The following ZNF564 variants were observed in gnomAD, a reference collection of about 807,000 sequenced individuals.
The protein encoded by ZNF564 is zinc finger protein 564.
A neutral mutation model predicts 10.5 loss-of-function variants in ZNF564; 5 were observed. The ratio of observed to expected loss-of-function variants is 0.48; its 90% CI spans 0.25 to 1.00. ZNF564 has a LOEUF of 1.00. Ranked by LOEUF, ZNF564 falls within the 50% of genes least tolerant of loss-of-function variation. ZNF564 has a pLI of 0.16. For synonymous variants in ZNF564, 242 were observed against 218.1 expected, an observed-to-expected ratio of 1.11 and a Z score of -0.97; for missense variants, 603 against 669.7, an observed-to-expected ratio of 0.90 and a Z score of 1.10.
intron 1 of ZNF564, among the ~76,000 whole-genome samples, chr19:12,538,280 A>C (rs534133769): frequency 6.6e-6 from 1 of 152,078 alleles, no homozygotes; most frequent in African/African-American, 2.4e-5. Flanking sequence ...CTTAATGCCA[A>C]GGAGTTTAAG....
intron 1 of ZNF564, among the ~76,000 whole-genome samples, chr19:12,540,586 A>C (rs28517576): frequency 6.6e-6 from 1 of 151,898 alleles, no homozygotes; most frequent in East Asian, 1.9e-4. Context: ...TGGGTGTGGT[A>C]GCTCATGCCT....
At chr19:12,531,936 T>C (rs1270778026) in intron 1 of ZNF564, among the ~76,000 whole-genome samples, 11 of 152,144 alleles carry the variant, frequency 7.2e-5, no homozygotes, top group Non-Finnish European at 1.2e-4. Context: ...CCACTTTAAA[T>C]ACAAAGACAC....
chr19:12,535,900 C>G (rs763903257), intron 1 of ZNF564, among the ~76,000 whole-genome samples: 13 of 151,652 alleles, frequency 8.6e-5, no homozygotes, highest in South Asian at 8.3e-4. Context: ...GTAGTCCCAG[C>G]TACTTGGGAG....
rs1321363733 is a variant in ZNF564, at chr19:12,525,643, A to G, written c.*803T>C. 1 of 152,202 alleles carries G rather than the reference A, an allele frequency of 6.6e-6. No homozygotes were observed. Among genetic ancestry groups the G allele is most frequent in the East Asian group, 1.9e-4 (1 of 5,200 alleles). The allele number at this position is 152,202 out of a possible 1,614,324, so 9.4% of individuals were successfully genotyped here. A position where few individuals can be genotyped will look rare whatever the true frequency, so the allele number is the denominator to read the frequency against. ...ATCTTCTTTGGAGAAATGTCTATTCAAGTCCTTTCCTCCATTTTAAAATTG... is the reference window on the plus strand; with the variant it reads ...ATCTTCTTTGGAGAAATGTCTATTCGAGTCCTTTCCTCCATTTTAAAATTG... On this transcript the variant is annotated 3_prime_UTR_variant, in exon 4 of 4. Coordinates refer to ENST00000339282, the MANE Select transcript of ZNF564 (RefSeq NM_144976.4).
rs2021917910 is a variant in ZNF564, at chr19:12,536,550, A to G, written c.4-7854T>C. Reference sequence around the variant, plus strand: ...ATGGTCATGAATGAGGTCTTCAGCCAATGCCTTGTTTAGGAGCCCTGCACT... The same window carrying G: ...ATGGTCATGAATGAGGTCTTCAGCCGATGCCTTGTTTAGGAGCCCTGCACT... On this transcript the variant is annotated intron_variant, in intron 1 of 3. Coordinates refer to ENST00000339282, the MANE Select transcript of ZNF564 (RefSeq NM_144976.4). 2.6e-5 allele frequency among the ~76,000 whole-genome samples: 4 copies of G among 152,310 alleles called. No homozygotes were observed. In the South Asian group the frequency reaches 8.3e-4, roughly 32 times the overall value.
intron 1 of ZNF564, chr19:12,548,729 G>T: frequency 1.4e-6 from 1 of 694,670 alleles, no homozygotes; most frequent in South Asian, 1.5e-5. Flanking sequence ...TTACTTCCAT[G>T]ACAACTTCTT....
At chr19:12,540,726 C>T (rs1405916472) in intron 1 of ZNF564, among the ~76,000 whole-genome samples, 5 of 151,888 alleles carry the variant, frequency 3.3e-5, no homozygotes, top group African/African-American at 4.8e-5. Context: ...TGGTGGCGGG[C>T]GCCTGTAGTC....
At chr19:12,528,016 T>A in intron 3 of ZNF564, 100 bp from the exon 4 acceptor site, 1 of 1,314,072 alleles carries the variant, frequency 7.6e-7, no homozygotes, top group Non-Finnish European at 1.0e-6. Context: ...AGGGTAAGTT[T>A]TCAGGCCTGT....
intron 1 of ZNF564, among the ~76,000 whole-genome samples, chr19:12,547,875 G>C (rs996636299): frequency 6.6e-6 from 1 of 150,916 alleles, no homozygotes; most frequent in South Asian, 2.1e-4. Context: ...GCAGTGGCAC[G>C]ATCTCGGCTC....
At position 12,528,637 on chromosome 19, in the gene ZNF564, C is replaced by T. The variant is rs778253310; in HGVS notation, c.63G>A (p.Leu21=). ...VNFTLEEWAL[L]DPSQKKLYRD... ...TGTAGAGTTTCTTCTGGGAAGGATC[C>T]AGCAAAGCCCACTCCTCAAGTGTGA... Residue 21 remains leucine (L), a synonymous_variant, in exon 2 of 4, where the codon CTG becomes CTA. Transcript: ENST00000339282. 9.9e-6 allele frequency: 16 copies of T among 1,613,856 alleles called. No individual in the cohort carries two copies. The East Asian group carries it at 3.6e-4, about 36-fold the overall frequency.
chr19:12,527,714 C>T lies in ZNF564; in HGVS notation c.394G>A (p.Asp132Asn), dbSNP rs374485265. Reference sequence around the variant, plus strand: ...GGTTTCTCTCCATATTCCTGATAGTCATATGGTTTGTGTCCAAGGTGAGAT... The same window carrying T: ...GGTTTCTCTCCATATTCCTGATAGTTATATGGTTTGTGTCCAAGGTGAGAT... ...IRSHLGHKPY[D>N]YQEYGEKPYK... is the part of the protein sequence containing the mutation. The change falls in exon 4 of 4, where the codon GAC (aspartate) becomes AAC (asparagine). Residue 132 changes from aspartate (D) to asparagine (N), a missense_variant. Coordinates refer to ENST00000339282, the MANE Select transcript of ZNF564 (RefSeq NM_144976.4). The T allele has an allele frequency of 7.4e-6, 12 of 1,613,970 alleles. No homozygotes were observed. The African/African-American group carries it at 1.5e-4, about 20-fold the overall frequency.
At chr19:12,546,959 C>T (rs546659786) in intron 1 of ZNF564, among the ~76,000 whole-genome samples, 2 of 152,216 alleles carry the variant, frequency 1.3e-5, no homozygotes, top group East Asian at 3.9e-4. Context: ...AACAGACTAA[C>T]CTCAGGAAAA....
In ZNF564 at chr19:12,527,216, T is replaced by C; in HGVS notation, c.892A>G (p.Ser298Gly). The change falls in exon 4 of 4, where the codon AGT (serine) becomes GGT (glycine). Residue 298 changes from serine (S) to glycine (G), a missense_variant. Transcript: ENST00000339282. ...KAFISFTNFQSHMIRHTGDGP... is the reference protein window; with the variant it reads ...KAFISFTNFQGHMIRHTGDGP... ...TCCCCAGTGTGCCTAATCATATGAC[T>C]TTGAAAATTTGTGAAAGAAATGAAG... The C allele has an allele frequency of 1.2e-6, 2 of 1,614,202 alleles. No homozygotes were observed. Among genetic ancestry groups the C allele is most frequent in the Non-Finnish European group, 8.5e-7 (1 of 1,180,032 alleles).
chr19:12,533,803 T>A (rs1379577258), intron 1 of ZNF564, among the ~76,000 whole-genome samples: 1 of 94,742 alleles, frequency 1.1e-5, no homozygotes, highest in African/African-American at 4.2e-5. Flanking sequence ...AGAGAGCAAA[T>A]TAAACCCAAG....
At chr19:12,549,083 A>T (rs2022206252) in intron 1 of ZNF564, among the ~76,000 whole-genome samples, 1 of 152,090 alleles carries the variant, frequency 6.6e-6, no homozygotes, top group African/African-American at 2.4e-5. Flanking sequence ...CGGAGAGGAA[A>T]CTACACAAAT....
At chr19:12,543,779 T>C (rs2022104146) in intron 1 of ZNF564, among the ~76,000 whole-genome samples, 1 of 151,934 alleles carries the variant, frequency 6.6e-6, no homozygotes, top group Admixed American at 6.6e-5. Flanking sequence ...CCTGAATCTG[T>C]GTGTCCCTCC....
chr19:12,539,315 A>G, intron 1 of ZNF564, among the ~76,000 whole-genome samples: 1 of 151,574 alleles, frequency 6.6e-6, no homozygotes, highest in Non-Finnish European at 1.5e-5. Context: ...TCTGTAAACT[A>G]TGAATTAAAA....
chr19:12,548,017 G>C (rs546118708), intron 1 of ZNF564, among the ~76,000 whole-genome samples: 1 of 151,662 alleles, frequency 6.6e-6, no homozygotes, highest in Non-Finnish European at 1.5e-5. Context: ...CTCCATGTTG[G>C]TCAGGCTGGT....
intron 1 of ZNF564, among the ~76,000 whole-genome samples, chr19:12,545,475 A>G (rs2022134093): frequency 6.6e-6 from 1 of 152,016 alleles, no homozygotes; most frequent in Non-Finnish European, 1.5e-5. Context: ...GGTGTCTAAC[A>G]GTTCAGTTCT....
Sources: gnomAD v4.1 joint callset for allele counts (sites outside exome capture counted in the v4.1 genomes callset) on GRCh38, gnomAD v4.1.1 for gene constraint, MANE v1.5 for transcripts, NCBI Gene and HGNC (gene_info 2026-07-23, HGNC 2026-07-21) for gene names.